N4BP1: variants seen among roughly 807,000 people sequenced by gnomAD.
N4BP1 encodes the protein NEDD4-binding protein 1.
A neutral mutation model predicts 70.9 loss-of-function variants in N4BP1; 21 were observed. The observed-to-expected ratio is 0.30, with a 90% confidence interval of 0.21 to 0.43. The LOEUF is 0.43. N4BP1 is among the 20% of genes least tolerant of loss of function. The pLI is 1.00. For missense variants in N4BP1, 936 were observed against 1,069.4 expected (o/e 0.88, Z 1.74); for synonymous variants, 387 against 394.6 (o/e 0.98, Z 0.23).
At chr16:48,552,264 A>C (rs748732577) in intron 3 of N4BP1, among the ~76,000 whole-genome samples, 4 of 152,086 alleles carry the variant, frequency 2.6e-5, no homozygotes, top group African/African-American at 4.8e-5. Flanking sequence ...ATGACAGTGG[A>C]GAATGGAGGG....
At chr16:48,552,737 A>AAAAAAAAAC (rs1963693937) in intron 3 of N4BP1, among the ~76,000 whole-genome samples, 1 of 145,358 alleles carries the variant, frequency 6.9e-6, no homozygotes, top group Non-Finnish European at 1.5e-5. Flanking sequence ...AAAAAAAAAA[A>AAAAAAAAAC]AGACTCCTTC....
intron 2 of N4BP1, among the ~76,000 whole-genome samples, chr16:48,554,019 T>G (rs140381289): frequency 2.4e-4 from 37 of 152,310 alleles, no homozygotes; most frequent in African/African-American, 8.9e-4. Flanking sequence ...GATGCTGCTG[T>G]GTCCTGTCCC....
rs1252841475 is a variant in N4BP1 at position 48,542,902 on chromosome 16, C to T, written c.*2G>A. ...GCGCAAGCTCAGCGCTCAGCACAAT[C>T]TTCAATCCAACACCATGGCAGAAAG... is the stretch of plus-strand genomic sequence containing the variant. On this transcript the variant is annotated 3_prime_UTR_variant, in exon 7 of 7. Coordinates refer to ENST00000262384, the MANE Select transcript of N4BP1 (RefSeq NM_153029.4). 1 of 1,600,132 alleles carries T rather than the reference C, an allele frequency of 6.2e-7. No individual in the cohort carries two copies. Among genetic ancestry groups the T allele is most frequent in the African/African-American group, 1.3e-5 (1 of 74,706 alleles).
chr16:48,609,539 T>C (rs1336580985), intron 1 of N4BP1, among the ~76,000 whole-genome samples: 1 of 152,188 alleles, frequency 6.6e-6, no homozygotes, highest in Admixed American at 6.5e-5. Flanking sequence ...GACAGCCCTC[T>C]GAGGTAGGTA....
At chr16:48,566,871 A>G (rs769214165) in intron 1 of N4BP1, among the ~76,000 whole-genome samples, 1 of 152,212 alleles carries the variant, frequency 6.6e-6, no homozygotes, top group African/African-American at 2.4e-5. Context: ...TTTGGTTCAC[A>G]TATTTTGCAG....
rs781766300 is a variant in N4BP1 at position 48,543,121 on chromosome 16, G to T, written c.2474C>A (p.Pro825His). Reference sequence around the variant, plus strand: ...CAGCAGTGGGAAGTGGGGCTGCTGAGGGAGCCAGTGGCTTGAAGGGGCTCC... The same window carrying T: ...CAGCAGTGGGAAGTGGGGCTGCTGATGGAGCCAGTGGCTTGAAGGGGCTCC... ...IQGAPSSHWLPQQPHFPLLPA... is the reference protein window; with the variant it reads ...IQGAPSSHWLHQQPHFPLLPA... Residue 825 changes from proline (P) to histidine (H), a missense_variant, in exon 7 of 7, where the codon CCT becomes CAT. By Grantham distance (77) the Pro-to-His change is moderately conservative (BLOSUM62 -2). Transcript: ENST00000262384. 1 of 1,610,744 alleles carries T rather than the reference G, an allele frequency of 6.2e-7. No homozygotes were observed. Among genetic ancestry groups the T allele is most frequent in the South Asian group, 1.1e-5 (1 of 90,984 alleles).
chr16:48,547,990 AAAG>A lies in N4BP1; in HGVS notation c.2225+14_2225+16del, dbSNP rs1567426103. On this transcript the variant is annotated intron_variant, in intron 5 of 6. Transcript: ENST00000262384. Reference sequence around the variant, plus strand: ...AAACAAAACTTTTCTGACCAAAGACAAAGAAGAAAATATTACCTTTTTGTAATA... The same window carrying A: ...AAACAAAACTTTTCTGACCAAAGACAAAGAAAATATTACCTTTTTGTAATA... 15 of 1,463,350 alleles carry A rather than the reference AAAG, an allele frequency of 1.0e-5. No individual in the cohort carries two copies. Among genetic ancestry groups the A allele is most frequent in the Middle Eastern group, 2.0e-4 (1 of 5,124 alleles). The allele number at this position is 1,463,350 out of a possible 1,614,324, so 90.6% of individuals were successfully genotyped here.
chr16:48,608,412 G>C (rs1414555926), intron 1 of N4BP1, among the ~76,000 whole-genome samples: 1 of 152,174 alleles, frequency 6.6e-6, no homozygotes, highest in South Asian at 2.1e-4. Flanking sequence ...AAGAACATCA[G>C]GAGATACGAC....
rs1340150602 is a variant in N4BP1, at chr16:48,580,196, C to G, written c.199-17752G>C. 2.0e-5 allele frequency among the ~76,000 whole-genome samples: 3 copies of G among 150,910 alleles called. No homozygotes were observed. In the East Asian group the frequency reaches 5.8e-4, roughly 29 times the overall value. ...TGAAAAGGTTTTAAAAATTCATAAC[C>G]CTTTAGCTAGACTAAGAAAAAAGAG... On this transcript the variant is annotated intron_variant, in intron 1 of 6. Transcript: ENST00000262384.
chr16:48,590,335 C>T (rs1231283777), intron 1 of N4BP1, among the ~76,000 whole-genome samples: 1 of 152,174 alleles, frequency 6.6e-6, no homozygotes, highest in African/African-American at 2.4e-5. Flanking sequence ...AAACTGATCC[C>T]TGAACGCTGG....
intron 1 of N4BP1, among the ~76,000 whole-genome samples, chr16:48,583,939 G>C (rs185471943): frequency 6.6e-6 from 1 of 152,190 alleles, no homozygotes; most frequent in South Asian, 2.1e-4. Context: ...AGAGTACCAA[G>C]AGAATACCAA....
At position 48,561,104 on chromosome 16, in the gene N4BP1, A is replaced by T. The variant is rs1310071052; in HGVS notation, c.1539T>A (p.Ser513Arg). The change falls in exon 2 of 7, where the codon AGT becomes AGA. Residue 513 changes from serine to arginine, a missense_variant. This residue lies in a region of N4BP1 where 515 missense variants were observed against 491.7 expected (regional missense o/e 1.05). Transcript: ENST00000262384. Reference sequence around the variant, plus strand: ...GAAAAAGTGGAACTCTGGGCTGGTGACTTGAAGCTCCCCTTGAAACAAAAT... The same window carrying T: ...GAAAAAGTGGAACTCTGGGCTGGTGTCTTGAAGCTCCCCTTGAAACAAAAT... ...EVNFVSRGASSHQPRVPLFPE... is the reference protein window; with the variant it reads ...EVNFVSRGASRHQPRVPLFPE... 6.2e-7 allele frequency: 1 copy of T among 1,613,876 alleles called. No homozygotes were observed. The highest frequency in any genetic ancestry group is 1.1e-5 in the South Asian group (1 of 91,092).
chr16:48,609,990 G>T lies in N4BP1; in HGVS notation c.-18C>A. On this transcript the variant is annotated 5_prime_UTR_variant, in exon 1 of 7. Coordinates refer to ENST00000262384, the MANE Select transcript of N4BP1 (RefSeq NM_153029.4). ...GCCGCCATGGCGGGCGCGGCCTCCCGCGGCGGCGCCGGGGGCCGGCGGCGG... is the reference window on the plus strand; with the variant it reads ...GCCGCCATGGCGGGCGCGGCCTCCCTCGGCGGCGCCGGGGGCCGGCGGCGG... 8.5e-7 allele frequency: 1 copy of T among 1,180,192 alleles called. No homozygotes were observed. The highest frequency in any genetic ancestry group is 1.0e-6 in the Non-Finnish European group (1 of 955,592). The allele number at this position is 1,180,192 out of a possible 1,614,324, so 73.1% of individuals were successfully genotyped here. A position where few individuals can be genotyped will look rare whatever the true frequency, so the allele number is the denominator to read the frequency against.
intron 2 of N4BP1, among the ~76,000 whole-genome samples, chr16:48,558,013 A>G (rs1429555836): frequency 6.6e-6 from 1 of 152,174 alleles, no homozygotes; most frequent in Non-Finnish European, 1.5e-5. Context: ...AAAATAATCA[A>G]TTCAATGGCA....
Position 48,543,460 on chromosome 16 carries a change from C to T in N4BP1, c.2334-199G>A, listed in dbSNP as rs527778747. Among the ~76,000 whole-genome samples, 328 of 152,246 alleles carry T rather than the reference C, an allele frequency of 2.2e-3. 2 individuals are homozygous for T. Among genetic ancestry groups the T allele is most frequent in the African/African-American group, 7.6e-3 (317 of 41,524 alleles). On this transcript the variant is annotated intron_variant, in intron 6 of 6. Coordinates refer to ENST00000262384, the MANE Select transcript of N4BP1 (RefSeq NM_153029.4). Reference sequence around the variant, plus strand: ...CCTGCGGGGATTTCACTGACATCACCTCAAGGCGTGCCAGGGAATCAATGC... The same window carrying T: ...CCTGCGGGGATTTCACTGACATCACTTCAAGGCGTGCCAGGGAATCAATGC...
intron 1 of N4BP1, among the ~76,000 whole-genome samples, chr16:48,592,303 T>C (rs925787921): frequency 4.6e-5 from 7 of 152,196 alleles, no homozygotes; most frequent in Non-Finnish European, 8.8e-5. Context: ...GGTAAAAGCA[T>C]TGCACCGTTT....
intron 1 of N4BP1, among the ~76,000 whole-genome samples, chr16:48,601,249 C>T (rs553226159): frequency 2.6e-5 from 4 of 152,286 alleles, no homozygotes; most frequent in African/African-American, 4.8e-5. Context: ...CATGGACTGT[C>T]GCTACACTCT....
At chr16:48,577,705 C>T in intron 1 of N4BP1, 1 of 199,688 alleles carries the variant, frequency 5.0e-6, no homozygotes, top group Non-Finnish European at 1.1e-5. Context: ...GGCAAAGTTG[C>T]CCAGGGTGGC....
At chr16:48,559,025 T>C (rs1030551992) in intron 2 of N4BP1, among the ~76,000 whole-genome samples, 4 of 152,170 alleles carry the variant, frequency 2.6e-5, no homozygotes, top group Non-Finnish European at 5.9e-5. Flanking sequence ...AAAAAATACA[T>C]ATTAAAATAT....
Sources: allele counts gnomAD v4.1 joint callset (sites outside exome capture counted in the v4.1 genomes callset), GRCh38; gene constraint gnomAD v4.1.1; regional missense constraint gnomAD v4.1.1; transcripts MANE v1.5; gene names NCBI Gene and HGNC (gene_info 2026-07-23, HGNC 2026-07-21).